COX7A2L: variants seen among roughly 807,000 people sequenced by gnomAD.
The protein encoded by COX7A2L is cytochrome c oxidase subunit 7A2-like, mitochondrial.
COX7A2L carries 18 observed loss-of-function variants against 14.2 expected under a neutral mutation model. The ratio of observed to expected loss-of-function variants is 1.27; its 90% confidence interval spans 0.88 to 1.88. The LOEUF is 1.88. Among genes scored for constraint, COX7A2L ranks in the 40% most tolerant of loss-of-function variants. The pLI, the probability that COX7A2L is intolerant of heterozygous loss-of-function variation, is 0.00. For synonymous variants in COX7A2L, 65 were observed against 57.4 expected, an observed-to-expected ratio of 1.13 and a Z score of -0.60; for missense variants, 179 against 138.8, an observed-to-expected ratio of 1.29 and a Z score of -1.46.
chr2:42,353,304 T>C lies in COX7A2L; in HGVS notation c.112A>G (p.Ile38Val), dbSNP rs1459157222. 2.5e-6 allele frequency: 4 copies of C among 1,613,972 alleles called. No individual in the cohort carries two copies. Among genetic ancestry groups the C allele is most frequent in the Non-Finnish European group, 3.4e-6 (4 of 1,180,008 alleles). The change falls in exon 2 of 3, where the codon ATA becomes GTA. Residue 38 changes from isoleucine (I) to valine (V), a missense_variant. Ile to Val is a conservative substitution (Grantham distance 29). Transcript: ENST00000234301. ...GTCAGTTTAGTTGGTGTGGCAAATATGATAGGTGGTGCTTCTGTGGAAACC... is the reference window on the plus strand; with the variant it reads ...GTCAGTTTAGTTGGTGTGGCAAATACGATAGGTGGTGCTTCTGTGGAAACC... The part of the protein sequence containing the change: ...PVVSTEAPPI[I>V]FATPTKLTSD...
chr2:42,351,695 T>C (rs928097852), intron 2 of COX7A2L, among the ~76,000 whole-genome samples: 1 of 152,172 alleles, frequency 6.6e-6, no homozygotes, highest in African/African-American at 2.4e-5. Context: ...CAGGAGAGGC[T>C]GGGCGCGGTG....
In COX7A2L at chr2:42,351,157, C is replaced by A; in HGVS notation, c.*62G>T. On this transcript the variant is annotated 3_prime_UTR_variant, in exon 3 of 3. Coordinates refer to ENST00000234301, the MANE Select transcript of COX7A2L (RefSeq NM_004718.4). ...AGTAAAAAAAAAAATTTTAATTTAA[C>A]AATGAAAAAGGAACTTCAAAGGGTT... 4.1e-6 allele frequency: 6 copies of A among 1,479,284 alleles called. No individual in the cohort carries two copies. In the South Asian group the frequency reaches 4.3e-5, roughly 11 times the overall value. The allele number at this position is 1,479,284 out of a possible 1,614,324, so 91.6% of individuals were successfully genotyped here.
At chr2:42,353,469 T>C in intron 1 of COX7A2L, 126 bp from the exon 2 acceptor site, 4 of 1,253,954 alleles carry the variant, frequency 3.2e-6, no homozygotes, top group Non-Finnish European at 3.4e-6. Context: ...GAGCAAACCC[T>C]GTCAAGAACC....
chr2:42,361,663 GTC>G (rs1295169107), upstream of COX7A2L: 1 of 153,332 alleles, frequency 6.5e-6, no homozygotes, highest in Non-Finnish European at 1.5e-5. Context: ...ATCCGAGAGA[GTC>G]TGTGCTGCGG....
Position 42,350,067 on chromosome 2 carries a change from G to A in COX7A2L, c.*1152C>T, listed in dbSNP as rs546428738. 2.8e-4 allele frequency: 38 copies of A among 134,394 alleles called. No homozygotes were observed. Among genetic ancestry groups the A allele is most frequent in the Admixed American group, 7.0e-4 (10 of 14,190 alleles). 8.3% of individuals were successfully genotyped at this position (134,394 alleles called of 1,614,324 possible). A position where few individuals can be genotyped will look rare whatever the true frequency, so the allele number is the denominator to read the frequency against. On this transcript the variant is annotated 3_prime_UTR_variant, in exon 3 of 3. Transcript: ENST00000234301. ...AGAATAAAATTTAGATTTGCAGAGA[G>A]AGAGAGAGAGAGATATCACTGCAAG...
chr2:42,361,102 G>A lies in COX7A2L; in HGVS notation c.60C>T (p.Ala20=), dbSNP rs563462982. ...QKLAGAWASE[A]YSPQGLKPVV... Reference sequence around the variant, plus strand: ...GCGCCACTCGTACCTGCGGGCTATAGGCCTCCGAAGCCCATGCTCCTGCCA... The same window carrying A: ...GCGCCACTCGTACCTGCGGGCTATAAGCCTCCGAAGCCCATGCTCCTGCCA... The change falls in exon 1 of 3, where the codon GCC becomes GCT. Residue 20 remains alanine, a synonymous_variant. Coordinates refer to ENST00000234301, the MANE Select transcript of COX7A2L (RefSeq NM_004718.4). 5.0e-6 allele frequency: 8 copies of A among 1,613,728 alleles called. No homozygotes were observed. The Admixed American group carries it at 5.0e-5, about 10-fold the overall frequency.
chr2:42,366,128 C>A (rs1428739954), upstream of COX7A2L, among the ~76,000 whole-genome samples: 1 of 152,100 alleles, frequency 6.6e-6, no homozygotes, highest in Non-Finnish European at 1.5e-5. Flanking sequence ...TGAATCTATT[C>A]AGTAACAAAA....
At chr2:42,359,181 G>T (rs1263851690) in intron 1 of COX7A2L, 1 of 152,218 alleles carries the variant, frequency 6.6e-6, no homozygotes, top group East Asian at 1.9e-4. Context: ...GCAAAAGCAG[G>T]ACGATTACTT....
At chr2:42,367,508 TATCA>T (rs1003117904) in intron 1 of COX7A2L, among the ~76,000 whole-genome samples, 3 of 152,018 alleles carry the variant, frequency 2.0e-5, no homozygotes, top group African/African-American at 4.8e-5. Context: ...AGGAGGAAGT[TATCA>T]ATCAGTGAAA....
intron 1 of COX7A2L, among the ~76,000 whole-genome samples, chr2:42,356,210 C>A (rs1205713375): frequency 6.6e-6 from 1 of 152,130 alleles, no homozygotes; most frequent in East Asian, 1.9e-4. Flanking sequence ...AGGTCTTTAC[C>A]CAACCCCATA....
At chr2:42,361,034 C>A in intron 1 of COX7A2L, 56 bp downstream of exon 1, 1 of 1,592,490 alleles carries the variant, frequency 6.3e-7, no homozygotes. Flanking sequence ...GACTGCCTGT[C>A]GCCGAGGCTA....
rs1235146962 is a variant in COX7A2L, at chr2:42,342,716, AG to A, written c.193-8848del. Reference sequence around the variant, plus strand: ...AGACGAGGTCAGAACAAGAGAAGGCAGGATGTCCCAGGAGGGCTGTGTCAGA... The same window carrying A: ...AGACGAGGTCAGAACAAGAGAAGGCAGATGTCCCAGGAGGGCTGTGTCAGA... On this transcript the variant is annotated intron_variant, in intron 2 of 2. Transcript: ENST00000468711. The surrounding 1 kb of genome is among the most constrained non-coding windows in gnomAD (Gnocchi z 4.9). 5.3e-5 allele frequency among the ~76,000 whole-genome samples: 8 copies of A among 152,230 alleles called. No homozygotes were observed. The highest frequency in any genetic ancestry group is 2.0e-4 in the Admixed American group (3 of 15,290).
At position 42,342,322 on chromosome 2, in the gene COX7A2L, A is replaced by G. The variant is rs1327488479; in HGVS notation, c.193-8453T>C. Among the ~76,000 whole-genome samples, 2 of 152,036 alleles carry G rather than the reference A, an allele frequency of 1.3e-5. No homozygotes were observed. The highest frequency in any genetic ancestry group is 4.8e-5 in the African/African-American group (2 of 41,410). Reference sequence around the variant, plus strand: ...CCCTCTCCCTAGGAGAGCTGAGACGAGGGACTTGAGCTCTCTGCTTGGCAA... The same window carrying G: ...CCCTCTCCCTAGGAGAGCTGAGACGGGGGACTTGAGCTCTCTGCTTGGCAA... On this transcript the variant is annotated intron_variant, in intron 2 of 2. Transcript: ENST00000468711. The surrounding 1 kb of genome is among the most constrained non-coding windows in gnomAD (Gnocchi z 4.9).
At chr2:42,355,151 G>T (rs1047969196) in intron 1 of COX7A2L, among the ~76,000 whole-genome samples, 1 of 152,202 alleles carries the variant, frequency 6.6e-6, no homozygotes, top group Non-Finnish European at 1.5e-5. Context: ...AGTTTGGTCA[G>T]TAAGATGTTG....
chr2:42,358,689 C>T (rs573979688), intron 1 of COX7A2L, among the ~76,000 whole-genome samples: 4 of 152,312 alleles, frequency 2.6e-5, no homozygotes, highest in South Asian at 2.1e-4. Context: ...AGGAGAGGTA[C>T]TAGAAATCTG....
chr2:42,340,241 C>T (rs1670374604), intron 2 of COX7A2L, among the ~76,000 whole-genome samples: 1 of 152,144 alleles, frequency 6.6e-6, no homozygotes, highest in African/African-American at 2.4e-5. Flanking sequence ...CCAGAGACAA[C>T]CTCCCCTCTC....
chr2:42,353,487 A>G, intron 1 of COX7A2L, 144 bp from the exon 2 acceptor site: 1 of 1,088,426 alleles, frequency 9.2e-7, no homozygotes. Flanking sequence ...ACCCCTTGCC[A>G]TTACGATTGC....
intron 1 of COX7A2L, among the ~76,000 whole-genome samples, chr2:42,367,246 C>T (rs1399929934): frequency 6.6e-6 from 1 of 152,176 alleles, no homozygotes; most frequent in African/African-American, 2.4e-5. Context: ...GATCTTCCTA[C>T]TGACAAGCTC....
intron 2 of COX7A2L, among the ~76,000 whole-genome samples, chr2:42,336,436 T>G (rs567328953): frequency 6.7e-6 from 1 of 150,002 alleles, no homozygotes; most frequent in African/African-American, 2.4e-5. Context: ...TTGAAGGCAC[T>G]GAGAAGAAAG....
Sources: gnomAD v4.1 joint callset for allele counts (sites outside exome capture counted in the v4.1 genomes callset) on GRCh38, gnomAD v4.1.1 for gene constraint, Gnocchi (gnomAD v3.1) non-coding constraint, MANE v1.5 for transcripts, NCBI Gene and HGNC (gene_info 2026-07-23, HGNC 2026-07-21) for gene names.